DOCK4: variants seen among roughly 807,000 people sequenced by gnomAD.
DOCK4 encodes the protein dedicator of cytokinesis protein 4.
Under a neutral mutation model 268.1 loss-of-function variants are expected in DOCK4, and 97 were observed. The observed-to-expected ratio is 0.36, with a 90% CI of 0.31 to 0.43. DOCK4 has a LOEUF of 0.43. Among genes scored for constraint, DOCK4 ranks in the 20% least tolerant of loss-of-function variants. DOCK4 has a pLI of 1.00. For synonymous variants in DOCK4, 954 were observed against 887.2 expected (o/e 1.08, Z -1.34); for missense variants, 2,145 against 2,455.7 (o/e 0.87, Z 2.67).
At chr7:112,159,288 C>T (rs372501646) in intron 1 of DOCK4, among the ~76,000 whole-genome samples, 11 of 152,168 alleles carry the variant, frequency 7.2e-5, no homozygotes, top group African/African-American at 2.7e-4. Context: ...TTCCTCCCGC[C>T]CTCAACATCC....
chr7:112,041,337 GTA>G (rs1338314199), intron 1 of DOCK4, among the ~76,000 whole-genome samples: 1 of 152,118 alleles, frequency 6.6e-6, no homozygotes, highest in Non-Finnish European at 1.5e-5. Context: ...TGGGGTCATG[GTA>G]TATTTCCATA....
At chr7:111,857,312 C>A (rs1805092157) in intron 23 of DOCK4, among the ~76,000 whole-genome samples, 1 of 152,006 alleles carries the variant, frequency 6.6e-6, no homozygotes, top group Admixed American at 6.5e-5. Flanking sequence ...TTTTTTATTG[C>A]AGTTTTGTAT....
chr7:111,856,833 G>A (rs1463316536), intron 23 of DOCK4, among the ~76,000 whole-genome samples: 2 of 152,120 alleles, frequency 1.3e-5, no homozygotes, highest in East Asian at 3.9e-4. Context: ...TGAGGTCCCA[G>A]GTAGTTTTTG....
intron 8 of DOCK4, among the ~76,000 whole-genome samples, chr7:111,976,161 A>ATAT (rs58020083): frequency 1.2e-4 from 4 of 34,012 alleles, no homozygotes; most frequent in Admixed American, 5.1e-4. Flanking sequence ...AAAAAAAAAA[A>ATAT]ATATATATAT....
At chr7:111,732,168 C>G (rs1199929915) in intron 52 of DOCK4, 58 bp downstream of exon 52, 8 of 1,558,118 alleles carry the variant, frequency 5.1e-6, no homozygotes, top group Non-Finnish European at 7.1e-6. Context: ...TGGGATGAGT[C>G]TTAGAGAAAA....
intron 8 of DOCK4, among the ~76,000 whole-genome samples, chr7:111,962,305 T>C (rs1247564184): frequency 2.0e-5 from 3 of 152,218 alleles, no homozygotes; most frequent in African/African-American, 7.2e-5. Flanking sequence ...GTACTGGTTT[T>C]TAAAAATAAT....
chr7:111,876,009 C>T lies in DOCK4; in HGVS notation c.1744+1021G>A, dbSNP rs185015052. 3.0e-4 allele frequency among the ~76,000 whole-genome samples: 45 copies of T among 152,252 alleles called. No individual in the cohort carries two copies. The East Asian group carries it at 6.7e-3, about 23-fold the overall frequency. ...TAAATAAAAATTTCTGTTTAAGGATCTCAATAAGAGGTTGATTTTATTATC... is the reference window on the plus strand; with the variant it reads ...TAAATAAAAATTTCTGTTTAAGGATTTCAATAAGAGGTTGATTTTATTATC... On this transcript the variant is annotated intron_variant, in intron 17 of 52. Transcript: ENST00000428084.
chr7:112,060,352 C>A (rs1806284419), intron 1 of DOCK4, among the ~76,000 whole-genome samples: 1 of 152,082 alleles, frequency 6.6e-6, no homozygotes, highest in Non-Finnish European at 1.5e-5. Context: ...GAAATTGGAA[C>A]CCTTATGCAC....
chr7:112,127,994 A>T (rs548231471), intron 1 of DOCK4, among the ~76,000 whole-genome samples: 1 of 152,132 alleles, frequency 6.6e-6, no homozygotes. Flanking sequence ...GTGCCACTGC[A>T]CTCCAGCCTG....
In DOCK4 at chr7:111,739,183, C is replaced by G; in HGVS notation, c.5183G>C (p.Arg1728Thr). ...ATAGATGGCACTGCATGGTCTCTCT[C>G]TTGGTGACAGGCAAGAGTTTTCTCG... is the stretch of plus-strand genomic sequence containing the variant. ...HSRENSCLSPRERPCSAIYPT... is the reference protein window; with the variant it reads ...HSRENSCLSPTERPCSAIYPT... The change falls in exon 49 of 53, where the codon AGA (arginine) becomes ACA (threonine). Residue 1728 changes from arginine to threonine, a missense_variant. Arg to Thr is a moderately conservative substitution (Grantham distance 71, BLOSUM62 -1). Around this residue, in one of 2 missense-constraint regions of DOCK4, gnomAD observed 547 missense variants for 469.0 expected, o/e 1.17. Transcript: ENST00000428084. 6.2e-7 allele frequency: 1 copy of G among 1,614,014 alleles called. No homozygotes were observed. The highest frequency in any genetic ancestry group is 8.5e-7 in the Non-Finnish European group (1 of 1,179,894).
rs2133487501 is a variant in DOCK4 at position 111,748,166 on chromosome 7, G to C, written c.4417-723C>G. 2.0e-5 allele frequency among the ~76,000 whole-genome samples: 3 copies of C among 152,268 alleles called. No individual in the cohort carries two copies. In the East Asian group the frequency reaches 5.8e-4, roughly 29 times the overall value. On this transcript the variant is annotated intron_variant, in intron 42 of 52. Transcript: ENST00000428084. ...GAAGAGAAGGTCTGCCAAGCTCTCAGCAATCAAGTAATTCAGGACTACAAT... is the reference window on the plus strand; with the variant it reads ...GAAGAGAAGGTCTGCCAAGCTCTCACCAATCAAGTAATTCAGGACTACAAT...
intron 1 of DOCK4, among the ~76,000 whole-genome samples, chr7:112,092,184 T>C (rs759573073): frequency 2.0e-5 from 3 of 152,182 alleles, no homozygotes; most frequent in Non-Finnish European, 2.9e-5. Context: ...TCATGAACCA[T>C]TCCTTGTCTG....
intron 1 of DOCK4, among the ~76,000 whole-genome samples, chr7:112,149,479 G>C (rs968121136): frequency 2.0e-5 from 3 of 151,796 alleles, no homozygotes; most frequent in African/African-American, 4.8e-5. Flanking sequence ...TAAAATCGCT[G>C]TAGGAAAGAA....
At chr7:111,884,438 T>C (rs940340508) in intron 16 of DOCK4, among the ~76,000 whole-genome samples, 1 of 152,230 alleles carries the variant, frequency 6.6e-6, no homozygotes, top group African/African-American at 2.4e-5. Flanking sequence ...TGCCTCCCTC[T>C]ACTGTTGTTT....
intron 8 of DOCK4, among the ~76,000 whole-genome samples, chr7:111,972,673 C>CT (rs1211377993): frequency 4.0e-5 from 6 of 151,812 alleles, no homozygotes; most frequent in South Asian, 2.1e-4. Flanking sequence ...ACATTCTACC[C>CT]TTTTTTACGT....
At chr7:111,938,555 T>C (rs959466508) in intron 11 of DOCK4, among the ~76,000 whole-genome samples, 2 of 152,110 alleles carry the variant, frequency 1.3e-5, no homozygotes, top group Non-Finnish European at 1.5e-5. Context: ...TCCAAGCCTG[T>C]GGGGAGGTGG....
At chr7:111,835,623 C>T (rs572032476) in intron 25 of DOCK4, among the ~76,000 whole-genome samples, 50 of 152,172 alleles carry the variant, frequency 3.3e-4, no homozygotes, top group African/African-American at 1.2e-3. Context: ...TAAAACAAAA[C>T]AAATACAATA....
chr7:111,782,466 G>A (rs761507983), intron 35 of DOCK4, among the ~76,000 whole-genome samples: 3 of 152,208 alleles, frequency 2.0e-5, no homozygotes, highest in Non-Finnish European at 4.4e-5. Flanking sequence ...ATATCACTCT[G>A]TGAGAAAGGA....
chr7:112,137,162 A>T (rs1814437211), intron 1 of DOCK4, among the ~76,000 whole-genome samples: 1 of 152,174 alleles, frequency 6.6e-6, no homozygotes, highest in Non-Finnish European at 1.5e-5. Flanking sequence ...CATTTAAATA[A>T]TTTTTTTATC....
Sources: allele counts gnomAD v4.1 joint callset (sites outside exome capture counted in the v4.1 genomes callset), GRCh38; gene constraint gnomAD v4.1.1; regional missense constraint gnomAD v4.1.1; transcripts MANE v1.5; gene names NCBI Gene and HGNC (gene_info 2026-07-23, HGNC 2026-07-21).